Variants in PRPF19 observed in about 807,000 individuals in gnomAD.
The protein encoded by PRPF19 is pre-mRNA processing factor 19, also known as pre-mRNA-processing factor 19.
PRPF19 carries 2 observed loss-of-function variants against 64.2 expected under a neutral mutation model. That is an observed-to-expected ratio of 0.03 (90% CI 0.01 to 0.10). PRPF19 has a LOEUF of 0.10. PRPF19 is among the 10% of genes least tolerant of loss of function. PRPF19 has a pLI of 1.00. For synonymous variants in PRPF19, 226 were observed against 251.6 expected, an observed-to-expected ratio of 0.90 and a Z score of 0.96; for missense variants, 314 against 650.0, an observed-to-expected ratio of 0.48 and a Z score of 5.62.
chr11:60,906,513 C>G lies in PRPF19; in HGVS notation c.-131G>C. The stretch of plus-strand genomic sequence containing the variant: ...GGCGAGCTGGGAGCCGCCAGCCGAG[C>G]GATGCTAGCGTAGCGCTTCACGTGG... On this transcript the variant is annotated 5_prime_UTR_variant, in exon 1 of 16. Coordinates refer to ENST00000227524, the MANE Select transcript of PRPF19 (RefSeq NM_014502.5). 1 of 972,434 alleles carries G rather than the reference C, an allele frequency of 1.0e-6. No individual in the cohort carries two copies. Among genetic ancestry groups the G allele is most frequent in the Non-Finnish European group, 1.5e-6 (1 of 662,896 alleles). The allele number at this position is 972,434 out of a possible 1,614,324, so 60.2% of individuals were successfully genotyped here.
At chr11:60,894,925 A>AC (rs1282216583) in intron 15 of PRPF19, among the ~76,000 whole-genome samples, 14 of 152,332 alleles carry the variant, frequency 9.2e-5, no homozygotes, top group African/African-American at 3.4e-4. Context: ...GTACCTCTTA[A>AC]TGGGGGGCTT....
chr11:60,900,631 A>G lies in PRPF19; in HGVS notation c.779T>C (p.Leu260Pro). Reference protein sequence around the residue: ...DKSSEQILATLKGHTKKVTSV... With the variant: ...DKSSEQILATPKGHTKKVTSV... ...GGTGACCTTCTTGGTATGGCCTTTG[A>G]GGGTAGCCAGGATTTGTTCAGAACT... Residue 260 changes from leucine (L) to proline (P), a missense_variant, in exon 10 of 16, where the codon CTC becomes CCC. Coordinates refer to ENST00000227524, the MANE Select transcript of PRPF19 (RefSeq NM_014502.5). The G allele has an allele frequency of 6.4e-7, 1 of 1,558,784 alleles. No homozygotes were observed. Among genetic ancestry groups the G allele is most frequent in the African/African-American group, 1.4e-5 (1 of 73,730 alleles).
Position 60,902,677 on chromosome 11 carries a change from A to G in PRPF19, c.389-21T>C. 6.2e-7 allele frequency: 1 copy of G among 1,614,210 alleles called. No individual in the cohort carries two copies. The highest frequency in any genetic ancestry group is 8.5e-7 in the Non-Finnish European group (1 of 1,180,018). On this transcript the variant is annotated intron_variant, in intron 4 of 15. Transcript: ENST00000227524. The surrounding 1 kb of genome is among the most constrained non-coding windows in gnomAD (Gnocchi z 5.0). Reference sequence around the variant, plus strand: ...CAGAGCTGAGAGAAAAGACGATGTTAGAAATGGGATATTACAATGCAGAAC... The same window carrying G: ...CAGAGCTGAGAGAAAAGACGATGTTGGAAATGGGATATTACAATGCAGAAC...
At chr11:60,891,349 A>C in intron 15 of PRPF19, 86 bp from the exon 16 acceptor site, 1 of 994,972 alleles carries the variant, frequency 1.0e-6, no homozygotes, top group Non-Finnish European at 1.5e-6. Context: ...TTCCCAAACA[A>C]CCAGGCCTTC....
chr11:60,893,472 C>A (rs1262238095), intron 15 of PRPF19, among the ~76,000 whole-genome samples: 1 of 151,666 alleles, frequency 6.6e-6, no homozygotes, highest in African/African-American at 2.4e-5. Flanking sequence ...CCATTGCACT[C>A]CAGCCTGGGT....
intron 1 of PRPF19, among the ~76,000 whole-genome samples, chr11:60,904,698 G>C (rs1249892074): frequency 4.6e-5 from 7 of 152,176 alleles, no homozygotes; most frequent in African/African-American, 1.7e-4. Context: ...GAGAAGTACA[G>C]AGCTTCCCAT....
chr11:60,900,945 C>A lies in PRPF19; in HGVS notation c.643-16G>T. 6.2e-7 allele frequency: 1 copy of A among 1,614,014 alleles called. No individual in the cohort carries two copies. The highest frequency in any genetic ancestry group is 8.5e-7 in the Non-Finnish European group (1 of 1,179,988). ...TGTGCAACCCCTTTGCAGAGAGACACACCAAACCCTGTCACGGCCAAATCA... is the reference window on the plus strand; with the variant it reads ...TGTGCAACCCCTTTGCAGAGAGACAAACCAAACCCTGTCACGGCCAAATCA... On this transcript the variant is annotated splice_polypyrimidine_tract_variant and intron_variant, in intron 8 of 15. Transcript: ENST00000227524.
At chr11:60,893,607 C>A (rs1411113449) in intron 15 of PRPF19, among the ~76,000 whole-genome samples, 1 of 152,006 alleles carries the variant, frequency 6.6e-6, no homozygotes, top group Non-Finnish European at 1.5e-5. Flanking sequence ...ACCAATAAAG[C>A]AAATATTGCA....
At position 60,898,938 on chromosome 11, in the gene PRPF19, A is replaced by G. The variant is rs539450476; in HGVS notation, c.985-7T>C. On this transcript the variant is annotated splice_region_variant and splice_polypyrimidine_tract_variant and intron_variant, in intron 11 of 15. Coordinates refer to ENST00000227524, the MANE Select transcript of PRPF19 (RefSeq NM_014502.5). This position sits in a 1 kb window ranked among gnomAD's most constrained non-coding sequence, Gnocchi z 4.6. ...TGTCAGAGAAAGCCCAGTACTGGGG[A>G]AAAAAAAAGAGACAATGGAGTCAGT... The G allele has an allele frequency of 1.5e-4, 231 of 1,571,028 alleles. No individual in the cohort carries two copies. The highest frequency in any genetic ancestry group is 7.5e-4 in the East Asian group (33 of 43,796).
At chr11:60,897,098 T>C (rs1393339594) in intron 15 of PRPF19, among the ~76,000 whole-genome samples, 1 of 152,210 alleles carries the variant, frequency 6.6e-6, no homozygotes, top group Non-Finnish European at 1.5e-5. Context: ...CACAACTCAC[T>C]CACTGAAAGC....
intron 15 of PRPF19, among the ~76,000 whole-genome samples, chr11:60,895,662 A>G (rs1288304750): frequency 6.6e-6 from 1 of 152,132 alleles, no homozygotes; most frequent in African/African-American, 2.4e-5. Context: ...CTTTTGGCCT[A>G]TTTGGCTTTT....
intron 15 of PRPF19, among the ~76,000 whole-genome samples, chr11:60,892,940 T>C (rs1855878640): frequency 6.6e-6 from 1 of 150,748 alleles, no homozygotes; most frequent in Non-Finnish European, 1.5e-5. Context: ...TCCCCCCACA[T>C]AACTTGTGTC....
intron 15 of PRPF19, among the ~76,000 whole-genome samples, chr11:60,896,060 T>C (rs1855916963): frequency 6.6e-6 from 1 of 152,078 alleles, no homozygotes; most frequent in South Asian, 2.1e-4. Flanking sequence ...TGAACACATG[T>C]TGTTGGAAAA....
At chr11:60,901,444 T>C (rs1855983470) in intron 7 of PRPF19, 55 bp downstream of exon 7, 1 of 1,613,416 alleles carries the variant, frequency 6.2e-7, no homozygotes, top group African/African-American at 1.3e-5. Flanking sequence ...TCCTAAGGAG[T>C]CAACCGCCTC....
At chr11:60,897,653 C>T (rs1855936664) in intron 15 of PRPF19, 193 bp downstream of exon 15, 2 of 522,712 alleles carry the variant, frequency 3.8e-6, no homozygotes, top group Non-Finnish European at 6.7e-6. Flanking sequence ...ATGGAAGTGG[C>T]AGAACAAGCA....
In PRPF19 at chr11:60,902,916, G is replaced by T; in HGVS notation, c.247-35C>A. 6.2e-7 allele frequency: 1 copy of T among 1,605,272 alleles called. No individual in the cohort carries two copies. The highest frequency in any genetic ancestry group is 1.7e-5 in the Admixed American group (1 of 59,730). On this transcript the variant is annotated intron_variant, in intron 3 of 15. Coordinates refer to ENST00000227524, the MANE Select transcript of PRPF19 (RefSeq NM_014502.5). The surrounding 1 kb of genome is among the most constrained non-coding windows in gnomAD (Gnocchi z 5.0). ...GCAAATATCATTGTAAGGTGAGGTG[G>T]GGGGTGCAGGGAGTACCCAGTGGAG...
chr11:60,902,360 T>G lies in PRPF19; in HGVS notation c.525+43A>C, dbSNP rs1855992188. 1 of 1,580,250 alleles carries G rather than the reference T, an allele frequency of 6.3e-7. No individual in the cohort carries two copies. The highest frequency in any genetic ancestry group is 2.2e-5 in the East Asian group (1 of 44,720). On this transcript the variant is annotated intron_variant, in intron 6 of 15. Coordinates refer to ENST00000227524, the MANE Select transcript of PRPF19 (RefSeq NM_014502.5). The surrounding 1 kb of genome is among the most constrained non-coding windows in gnomAD (Gnocchi z 5.0). ...TGGACTCCAGACAGATGGTGAAAAG[T>G]AAGGGCCCATCAGCACTCCCACCAG... is the stretch of plus-strand genomic sequence containing the variant.
chr11:60,902,929 G>A lies in PRPF19; in HGVS notation c.247-48C>T. On this transcript the variant is annotated intron_variant, in intron 3 of 15. Transcript: ENST00000227524. This position sits in a 1 kb window ranked among gnomAD's most constrained non-coding sequence, Gnocchi z 5.0. ...TAAGGTGAGGTGGGGGGTGCAGGGA[G>A]TACCCAGTGGAGTCAGCCCTTGGGG... The A allele has an allele frequency of 2.5e-6, 4 of 1,595,062 alleles. No homozygotes were observed. Among genetic ancestry groups the A allele is most frequent in the Non-Finnish European group, 3.4e-6 (4 of 1,173,474 alleles).
intron 9 of PRPF19, 76 bp from the exon 10 acceptor site, chr11:60,900,767 C>T: frequency 1.3e-6 from 2 of 1,586,858 alleles, no homozygotes; most frequent in Non-Finnish European, 1.7e-6. Context: ...TGCTTTTGTT[C>T]CCATGCCCAT....
Sources: gnomAD v4.1 joint callset for allele counts (sites outside exome capture counted in the v4.1 genomes callset) on GRCh38, gnomAD v4.1.1 for gene constraint, Gnocchi (gnomAD v3.1) non-coding constraint, MANE v1.5 for transcripts, NCBI Gene and HGNC (gene_info 2026-07-23, HGNC 2026-07-21) for gene names.